Variants in CYRIA observed in about 807,000 individuals in gnomAD.
CYRIA encodes CYFIP-related Rac1 interactor A.
In CYRIA, 15 loss-of-function variants were observed where a neutral mutation model predicts 43.9. The observed-to-expected ratio is 0.34, with a 90% CI of 0.23 to 0.53. The LOEUF (loss-of-function observed/expected upper bound fraction) is 0.53, where lower values mean the gene tolerates loss of function less well. Among genes scored for constraint, CYRIA ranks in the 20% least tolerant of loss-of-function variants. The pLI, the probability that CYRIA is intolerant of heterozygous loss-of-function variation, is 0.94. For synonymous variants in CYRIA, 117 were observed against 136.0 expected (o/e 0.86, Z 0.97); for missense variants, 236 against 394.2 (o/e 0.60, Z 3.40).
chr2:16,631,531 G>T (rs908313233), intron 1 of CYRIA, among the ~76,000 whole-genome samples: 1 of 152,198 alleles, frequency 6.6e-6, no homozygotes, highest in African/African-American at 2.4e-5. Flanking sequence ...GGAGGATGGG[G>T]CTGTAGAAAG....
chr2:16,611,345 C>T (rs1668597087), intron 2 of CYRIA, among the ~76,000 whole-genome samples: 1 of 152,090 alleles, frequency 6.6e-6, no homozygotes, highest in Non-Finnish European at 1.5e-5. Context: ...AGCCTGGTGA[C>T]AGAGAGAGAC....
At chr2:16,622,742 C>T (rs775911807) in intron 2 of CYRIA, among the ~76,000 whole-genome samples, 2 of 152,130 alleles carry the variant, frequency 1.3e-5, no homozygotes, top group Non-Finnish European at 2.9e-5. Context: ...GTGTCTAAGT[C>T]GCAAAACTGT....
intron 3 of CYRIA, among the ~76,000 whole-genome samples, chr2:16,585,156 C>T (rs1667683183): frequency 6.6e-6 from 1 of 152,086 alleles, no homozygotes; most frequent in African/African-American, 2.4e-5. Flanking sequence ...TAGCAGCCCA[C>T]CTTCCCTACC....
chr2:16,655,104 T>G (rs575752888), intron 1 of CYRIA, among the ~76,000 whole-genome samples: 15 of 152,158 alleles, frequency 9.9e-5, no homozygotes, highest in Non-Finnish European at 1.6e-4. Context: ...ACAGGAGATA[T>G]GCACTTAGCA....
chr2:16,660,265 G>T (rs752733170), intron 1 of CYRIA, among the ~76,000 whole-genome samples: 24 of 152,180 alleles, frequency 1.6e-4, no homozygotes, highest in Non-Finnish European at 3.5e-4. Context: ...ACAGAGATCT[G>T]CTCTTCCCTT....
At chr2:16,578,813 CAGAAGAAGA>C (rs199869319) in intron 3 of CYRIA, among the ~76,000 whole-genome samples, 2 of 151,462 alleles carry the variant, frequency 1.3e-5, no homozygotes, top group East Asian at 1.9e-4. Flanking sequence ...ATTGGTGTCC[CAGAAGAAGA>C]AGAAGAAGAA....
chr2:16,590,113 A>C (rs1667872369), intron 2 of CYRIA, among the ~76,000 whole-genome samples: 1 of 151,600 alleles, frequency 6.6e-6, no homozygotes, highest in Admixed American at 6.6e-5. Flanking sequence ...CAAACACCAT[A>C]TTTCTCTCTT....
intron 3 of CYRIA, among the ~76,000 whole-genome samples, chr2:16,576,199 G>A (rs1449712591): frequency 6.6e-6 from 1 of 152,190 alleles, no homozygotes; most frequent in Non-Finnish European, 1.5e-5. Flanking sequence ...GGAGGGTGAG[G>A]ACAGGATCAT....
chr2:16,577,965 C>A (rs1327128106), intron 3 of CYRIA, among the ~76,000 whole-genome samples: 1 of 152,116 alleles, frequency 6.6e-6, no homozygotes, highest in African/African-American at 2.4e-5. Context: ...GTAGACAGAG[C>A]AGAAAAATGA....
intron 5 of CYRIA, among the ~76,000 whole-genome samples, chr2:16,562,841 C>T (rs574400019): frequency 1.1e-4 from 16 of 152,180 alleles, no homozygotes; most frequent in African/African-American, 3.6e-4. Flanking sequence ...AAAACACAGA[C>T]GTGCTCATTC....
chr2:16,658,772 T>C (rs367853790), intron 1 of CYRIA, among the ~76,000 whole-genome samples: 7 of 152,112 alleles, frequency 4.6e-5, no homozygotes, highest in Non-Finnish European at 8.8e-5. Context: ...TCCATCTACC[T>C]AGCTATCTAA....
intron 1 of CYRIA, among the ~76,000 whole-genome samples, chr2:16,664,806 C>T (rs1670347025): frequency 6.6e-6 from 1 of 152,160 alleles, no homozygotes; most frequent in Non-Finnish European, 1.5e-5. Flanking sequence ...GATCAGGGCC[C>T]TAAACTCCAG....
chr2:16,640,937 C>T (rs559250420), intron 1 of CYRIA, among the ~76,000 whole-genome samples: 2 of 152,068 alleles, frequency 1.3e-5, no homozygotes, highest in South Asian at 2.1e-4. Context: ...AAGGGACAGC[C>T]GAGGCCACTG....
At chr2:16,602,648 C>A (rs1433774873) in intron 2 of CYRIA, among the ~76,000 whole-genome samples, 1 of 152,002 alleles carries the variant, frequency 6.6e-6, no homozygotes, top group Admixed American at 6.6e-5. Flanking sequence ...GAATACACTC[C>A]ATATTAGAAC....
intron 3 of CYRIA, among the ~76,000 whole-genome samples, chr2:16,574,419 C>T (rs187475277): frequency 5.4e-4 from 82 of 152,278 alleles, no homozygotes; most frequent in African/African-American, 1.9e-3. Flanking sequence ...AAGAGGGCTG[C>T]AGAAATATGC....
intron 1 of CYRIA, among the ~76,000 whole-genome samples, chr2:16,647,170 C>A (rs1477439108): frequency 6.6e-6 from 1 of 152,174 alleles, no homozygotes; most frequent in East Asian, 1.9e-4. Context: ...TTTGCTCAAG[C>A]AATGAAACCA....
intron 3 of CYRIA, 90 bp downstream of exon 3, chr2:16,587,960 T>A: frequency 1.2e-6 from 1 of 807,348 alleles, no homozygotes. Flanking sequence ...TTGATTCAAC[T>A]ATGATATAAA....
chr2:16,642,061 A>T (rs970403208), intron 1 of CYRIA, among the ~76,000 whole-genome samples: 1 of 152,112 alleles, frequency 6.6e-6, no homozygotes, highest in Non-Finnish European at 1.5e-5. Context: ...ACTTCCCAGG[A>T]CTTGGCCCTT....
At chr2:16,570,388 G>A (rs145541020) in intron 3 of CYRIA, among the ~76,000 whole-genome samples, 8 of 152,260 alleles carry the variant, frequency 5.3e-5, no homozygotes, top group Non-Finnish European at 1.0e-4. Flanking sequence ...TCTCACCAGT[G>A]TGGTTAACAC....
Sources: gnomAD v4.1 joint callset for allele counts (sites outside exome capture counted in the v4.1 genomes callset) on GRCh38, gnomAD v4.1.1 for gene constraint, MANE v1.5 for transcripts, NCBI Gene and HGNC (gene_info 2026-07-23, HGNC 2026-07-21) for gene names.